IFIH1: variants seen among roughly 807,000 people sequenced by gnomAD.
IFIH1 encodes the protein interferon induced with helicase C domain 1.
Under a neutral mutation model 107.4 loss-of-function variants are expected in IFIH1, and 125 were observed. That is an observed-to-expected ratio of 1.16 (90% CI 1.01 to 1.35). The LOEUF (loss-of-function observed/expected upper bound fraction) is 1.35. Ranked by LOEUF, IFIH1 falls within the 40% of genes most tolerant of loss-of-function variation. IFIH1 has a pLI of 0.00. For synonymous variants in IFIH1, 458 were observed against 413.2 expected (o/e 1.11, Z -1.31); for missense variants, 1,333 against 1,213.7 (o/e 1.10, Z -1.46).
At chr2:162,281,301 T>C (rs927926064) in intron 7 of IFIH1, 27 bp downstream of exon 7, 15 of 1,573,412 alleles carry the variant, frequency 9.5e-6, no homozygotes, top group Non-Finnish European at 1.1e-5. Flanking sequence ...TTTGCTTTCA[T>C]TGGTTATACA....
intron 1 of IFIH1, among the ~76,000 whole-genome samples, chr2:162,311,437 G>T (rs772569304): frequency 6.6e-6 from 1 of 150,832 alleles, no homozygotes; most frequent in African/African-American, 2.4e-5. Context: ...TACTACTGCA[G>T]ATTTATATTT....
At chr2:162,312,984 T>G (rs1683405722) in intron 1 of IFIH1, among the ~76,000 whole-genome samples, 1 of 152,196 alleles carries the variant, frequency 6.6e-6, no homozygotes, top group African/African-American at 2.4e-5. Context: ...ACTATTCTAT[T>G]AAGTCAACTT....
chr2:162,300,197 A>T (rs1683169304), intron 3 of IFIH1, among the ~76,000 whole-genome samples: 2 of 152,100 alleles, frequency 1.3e-5, no homozygotes, highest in South Asian at 4.1e-4. Context: ...TCTCAATGAT[A>T]CTGTATTATC....
chr2:162,267,777 A>G (rs972804893), intron 14 of IFIH1, among the ~76,000 whole-genome samples: 1 of 152,222 alleles, frequency 6.6e-6, no homozygotes, highest in African/African-American at 2.4e-5. Flanking sequence ...GTTGCCTTTC[A>G]TAACTTCTTT....
intron 3 of IFIH1, among the ~76,000 whole-genome samples, chr2:162,303,791 T>A (rs1041882579): frequency 1.3e-5 from 2 of 152,330 alleles, no homozygotes; most frequent in Non-Finnish European, 1.5e-5. Flanking sequence ...TTTAATTTTG[T>A]TCACTAGAAG....
intron 5 of IFIH1, among the ~76,000 whole-genome samples, chr2:162,287,107 T>G (rs1045346212): frequency 5.3e-5 from 8 of 151,920 alleles, no homozygotes; most frequent in African/African-American, 1.9e-4. Flanking sequence ...AGTGTTTTAA[T>G]AGTAAGTATA....
chr2:162,310,548 G>C (rs889202620), intron 2 of IFIH1: 1 of 560,200 alleles, frequency 1.8e-6, no homozygotes, highest in African/African-American at 1.9e-5. Context: ...AAAGAGTGTT[G>C]GTTGGATGAA....
chr2:162,268,068 T>A lies in IFIH1; in HGVS notation c.2807+19A>T, dbSNP rs780806344. The stretch of plus-strand genomic sequence containing the variant: ...CACCCCTTGTGGAAAAATGTAAAAA[T>A]GGGTCTTTCTGGACTCACTTGAATT... On this transcript the variant is annotated intron_variant, in intron 14 of 15. Transcript: ENST00000649979. The A allele has an allele frequency of 1.3e-6, 2 of 1,546,208 alleles. No homozygotes were observed. Among genetic ancestry groups the A allele is most frequent in the East Asian group, 2.3e-5 (1 of 43,672 alleles).
rs368712508 is a variant in IFIH1, at chr2:162,282,589, T to C, written c.1096-13A>G. On this transcript the variant is annotated splice_polypyrimidine_tract_variant and intron_variant, in intron 5 of 15. Transcript: ENST00000649979. ...CAACTAGCAGTACCTTAAAAAAATG[T>C]GAAGATTTTTTAAAAGAGAGAAAGT... 258 of 1,569,550 alleles carry C rather than the reference T, an allele frequency of 1.6e-4. No individual in the cohort carries two copies. The highest frequency in any genetic ancestry group is 2.1e-4 in the Non-Finnish European group (242 of 1,150,540).
intron 5 of IFIH1, among the ~76,000 whole-genome samples, chr2:162,283,634 G>C (rs913359476): frequency 2.0e-5 from 3 of 151,934 alleles, no homozygotes; most frequent in African/African-American, 7.2e-5. Context: ...TGCAATCAGT[G>C]GTTACCTTTC....
At chr2:162,281,578 A>G (rs1320557834) in intron 6 of IFIH1, 33 bp from the exon 7 acceptor site, 4 of 1,461,970 alleles carry the variant, frequency 2.7e-6, no homozygotes, top group Non-Finnish European at 3.8e-6. Flanking sequence ...TCATTTCTCC[A>G]TATCAGCACA....
At chr2:162,311,051 T>C (rs969777170) in intron 1 of IFIH1, 118 bp from the exon 2 acceptor site, 13 of 686,394 alleles carry the variant, frequency 1.9e-5, no homozygotes, top group African/African-American at 3.7e-5. Context: ...AAGGCTTACA[T>C]TGAAACATTG....
intron 1 of IFIH1, among the ~76,000 whole-genome samples, chr2:162,316,223 T>C (rs549282282): frequency 6.6e-6 from 1 of 152,280 alleles, no homozygotes; most frequent in South Asian, 2.1e-4. Flanking sequence ...CCACCAAACA[T>C]AAACAGCTTT....
In IFIH1 at chr2:162,267,460, C is replaced by T; in HGVS notation, c.2898+19G>A. On this transcript the variant is annotated intron_variant, in intron 15 of 15. Transcript: ENST00000649979. Reference sequence around the variant, plus strand: ...TCCTGTTGGCTAAAGTAAAATCTGGCCCACAGCAATTTACTCACCTGGCCA... The same window carrying T: ...TCCTGTTGGCTAAAGTAAAATCTGGTCCACAGCAATTTACTCACCTGGCCA... 1 of 1,611,762 alleles carries T rather than the reference C, an allele frequency of 6.2e-7. No individual in the cohort carries two copies.
chr2:162,309,344 G>T (rs143481340), intron 2 of IFIH1, among the ~76,000 whole-genome samples: 93 of 152,332 alleles, frequency 6.1e-4, no homozygotes, highest in African/African-American at 2.2e-3. Context: ...CAGAGAGACA[G>T]TTTTGCCCTT....
chr2:162,270,453 A>G (rs1470213149), intron 13 of IFIH1, among the ~76,000 whole-genome samples: 1 of 152,170 alleles, frequency 6.6e-6, no homozygotes, highest in African/African-American at 2.4e-5. Context: ...CCCAGTAGCA[A>G]TGTTTTCTAC....
At chr2:162,310,187 A>G (rs1055841504) in intron 2 of IFIH1, 3 of 152,354 alleles carry the variant, frequency 2.0e-5, no homozygotes, top group African/African-American at 7.2e-5. Context: ...TGTCTTTCAT[A>G]TGATATTTTT....
intron 4 of IFIH1, among the ~76,000 whole-genome samples, chr2:162,290,322 T>C (rs1558870429): frequency 6.6e-6 from 1 of 151,794 alleles, no homozygotes; most frequent in Non-Finnish European, 1.5e-5. Context: ...GAATAAGAAA[T>C]ATTACAAAGA....
chr2:162,271,416 T>C (rs10207410), intron 13 of IFIH1, among the ~76,000 whole-genome samples: 13,160 of 135,088 alleles, frequency 0.097, 1,978 homozygotes, highest in African/African-American at 0.33. Flanking sequence ...ATGAGAACAC[T>C]TGGACACAGG....
Sources: allele counts gnomAD v4.1 joint callset (sites outside exome capture counted in the v4.1 genomes callset), GRCh38; gene constraint gnomAD v4.1.1; transcripts MANE v1.5; gene names NCBI Gene and HGNC (gene_info 2026-07-23, HGNC 2026-07-21).